Variants in ABI2 observed in about 807,000 individuals in gnomAD.
The protein encoded by ABI2 is abelson interactor 2.
Under a neutral mutation model 59.2 loss-of-function variants are expected in ABI2, and 25 were observed. That is an observed-to-expected ratio of 0.42 (90% CI 0.31 to 0.59). The LOEUF (loss-of-function observed/expected upper bound fraction) is 0.59. Among genes scored for constraint, ABI2 ranks in the 20% least tolerant of loss-of-function variants. The pLI, the probability that ABI2 is intolerant of heterozygous loss-of-function variation, is 0.14. For missense variants in ABI2, 545 were observed against 681.8 expected, an observed-to-expected ratio of 0.80 and a Z score of 2.23; for synonymous variants, 213 against 235.5, an observed-to-expected ratio of 0.90 and a Z score of 0.87.
chr2:203,345,513 C>T (rs1045652301), intron 1 of ABI2, among the ~76,000 whole-genome samples: 5 of 152,118 alleles, frequency 3.3e-5, no homozygotes, highest in Non-Finnish European at 5.9e-5. Flanking sequence ...TGGGTTCAAG[C>T]GATTCTCCTG....
At chr2:203,352,144 A>G (rs1270476393) in intron 1 of ABI2, among the ~76,000 whole-genome samples, 1 of 152,194 alleles carries the variant, frequency 6.6e-6, no homozygotes, top group Non-Finnish European at 1.5e-5. Context: ...GCATACAGAT[A>G]CACATATAGA....
chr2:203,336,166 G>T (rs1334967870), intron 1 of ABI2, among the ~76,000 whole-genome samples: 5 of 152,206 alleles, frequency 3.3e-5, no homozygotes, highest in Admixed American at 3.3e-4. Context: ...ATATTCTAGA[G>T]TATGAAAGAA....
chr2:203,362,393 C>T (rs1344667544), intron 1 of ABI2, among the ~76,000 whole-genome samples: 3 of 151,834 alleles, frequency 2.0e-5, no homozygotes, highest in Non-Finnish European at 1.5e-5. Flanking sequence ...GTTGTTTGGA[C>T]GTTCTGGGGG....
chr2:203,373,245 G>A (rs1021038530), intron 2 of ABI2, among the ~76,000 whole-genome samples: 4 of 152,302 alleles, frequency 2.6e-5, no homozygotes, highest in East Asian at 1.9e-4. Flanking sequence ...CGGATCACTC[G>A]CGGTTAGGAG....
intron 1 of ABI2, among the ~76,000 whole-genome samples, chr2:203,345,272 A>G (rs1186269242): frequency 6.6e-6 from 1 of 152,188 alleles, no homozygotes; most frequent in Non-Finnish European, 1.5e-5. Flanking sequence ...GCTCACTGCG[A>G]AGGTCTGTGG....
intron 5 of ABI2, among the ~76,000 whole-genome samples, chr2:203,392,917 T>C (rs2153372942): frequency 6.6e-6 from 1 of 152,290 alleles, no homozygotes; most frequent in South Asian, 2.1e-4. Context: ...GGCTATAACC[T>C]GTTTTTCCAC....
rs2096340466 is a variant in ABI2, at chr2:203,384,300, T to TTTTTTG, written c.480+2099_480+2100insGTTTTT. Among the ~76,000 whole-genome samples the TTTTTTG allele has an allele frequency of 3.9e-5, 4 of 102,452 alleles. No homozygotes were observed. In the South Asian group the frequency reaches 8.7e-4, roughly 22 times the overall value. 67.2% of individuals were successfully genotyped at this position (102,452 alleles called of 152,430 possible). On this transcript the variant is annotated intron_variant, in intron 4 of 11. Coordinates refer to ENST00000261018, the MANE Select transcript of ABI2 (RefSeq NM_001375670.1). ...CTTGTTTTTGTTTTTGTTTTTTTTT[T>TTTTTTG]TTTTTTTTTTTTTTTTTTTTTTTTG... is the stretch of plus-strand genomic sequence containing the variant.
chr2:203,372,319 T>C (rs1375579775), intron 2 of ABI2, among the ~76,000 whole-genome samples: 1 of 152,160 alleles, frequency 6.6e-6, no homozygotes, highest in Non-Finnish European at 1.5e-5. Context: ...AAGTCTCCCA[T>C]GTCTACTTCT....
chr2:203,392,318 CAACAACAA>C (rs749164602), intron 5 of ABI2, among the ~76,000 whole-genome samples: 5,131 of 105,988 alleles, frequency 0.048, 252 homozygotes, highest in African/African-American at 0.13. Flanking sequence ...CCACCACCAA[CAACAACAA>C]CAACAACAAC....
intron 8 of ABI2, among the ~76,000 whole-genome samples, chr2:203,401,877 T>TTATTC (rs1245617655): frequency 2.0e-5 from 3 of 152,190 alleles, no homozygotes; most frequent in African/African-American, 4.8e-5. Context: ...GTGTCAAACA[T>TTATTC]TTTTTCTCTT....
rs373275645 is a variant in ABI2 at position 203,417,130 on chromosome 2, G to A, written c.1453+49G>A. ...ATAGATGGGAAGAAACCTCTACATA[G>A]AAATGAAATTTGCGGTACTGAAGAG... is the stretch of plus-strand genomic sequence containing the variant. On this transcript the variant is annotated intron_variant, in intron 11 of 11. Coordinates refer to ENST00000261018, the MANE Select transcript of ABI2 (RefSeq NM_001375670.1). The A allele has an allele frequency of 2.5e-5, 37 of 1,466,990 alleles. No homozygotes were observed. In the African/African-American group the frequency reaches 3.1e-4, roughly 12 times the overall value. The allele number at this position is 1,466,990 out of a possible 1,614,324, so 90.9% of individuals were successfully genotyped here. A position where few individuals can be genotyped will look rare whatever the true frequency, so the allele number is the denominator to read the frequency against.
Position 203,328,415 on chromosome 2 carries a change from T to C in ABI2, c.-100T>C. ...CGCTCCTTCCGAGTTACCGCCGCCG[T>C]CGCCGCCGCTCCTCCTCTCCCGGTC... On this transcript the variant is annotated 5_prime_UTR_variant, in exon 1 of 12. Coordinates refer to ENST00000261018, the MANE Select transcript of ABI2 (RefSeq NM_001375670.1). 1 of 974,782 alleles carries C rather than the reference T, an allele frequency of 1.0e-6. No individual in the cohort carries two copies. Among genetic ancestry groups the C allele is most frequent in the Non-Finnish European group, 1.5e-6 (1 of 645,640 alleles). 60.4% of individuals were successfully genotyped at this position (974,782 alleles called of 1,614,324 possible).
intron 11 of ABI2, among the ~76,000 whole-genome samples, chr2:203,418,833 C>A (rs1278357262): frequency 6.6e-6 from 1 of 152,146 alleles, no homozygotes; most frequent in Non-Finnish European, 1.5e-5. Context: ...CTCACAGATC[C>A]AAGAAGTTCA....
chr2:203,425,744 G>A (rs1426266292), intron 11 of ABI2, among the ~76,000 whole-genome samples: 2 of 152,180 alleles, frequency 1.3e-5, no homozygotes, highest in Non-Finnish European at 2.9e-5. Context: ...TTTCTGACCA[G>A]GTGCAGGTGG....
chr2:203,413,055 T>C (rs1370039767), intron 10 of ABI2, among the ~76,000 whole-genome samples: 1 of 152,194 alleles, frequency 6.6e-6, no homozygotes, highest in Non-Finnish European at 1.5e-5. Flanking sequence ...GTTTTTTCTG[T>C]TTTTACTATT....
chr2:203,376,071 T>C lies in ABI2; in HGVS notation c.286-4137T>C, dbSNP rs1347827830. 2.0e-6 allele frequency: 3 copies of C among 1,534,978 alleles called. No individual in the cohort carries two copies. The East Asian group carries it at 7.3e-5, about 38-fold the overall frequency. On this transcript the variant is annotated intron_variant, in intron 2 of 11. Coordinates refer to ENST00000261018, the MANE Select transcript of ABI2 (RefSeq NM_001375670.1). ...TCTATACTTAGGCAAATTAGAGGCGTTGATCTTGAGTCGACTTTTGTGACC... is the reference window on the plus strand; with the variant it reads ...TCTATACTTAGGCAAATTAGAGGCGCTGATCTTGAGTCGACTTTTGTGACC...
chr2:203,329,173 GT>G (rs527258723), intron 1 of ABI2: 14 of 152,406 alleles, frequency 9.2e-5, no homozygotes, highest in African/African-American at 3.1e-4. Flanking sequence ...AAGAGCAGCA[GT>G]TTCTTGTTGG....
At chr2:203,395,059 C>T (rs1245106303) in intron 6 of ABI2, 1 of 719,522 alleles carries the variant, frequency 1.4e-6, no homozygotes, top group African/African-American at 1.7e-5. Context: ...AAAGTGCAGA[C>T]TTCTCTCCAA....
intron 4 of ABI2, among the ~76,000 whole-genome samples, chr2:203,385,678 C>T (rs952689788): frequency 1.1e-4 from 16 of 152,078 alleles, no homozygotes; most frequent in African/African-American, 3.6e-4. Flanking sequence ...AAAATTTATC[C>T]GACACAGCAC....
Sources: gnomAD v4.1 joint callset for allele counts (sites outside exome capture counted in the v4.1 genomes callset) on GRCh38, gnomAD v4.1.1 for gene constraint, MANE v1.5 for transcripts, NCBI Gene and HGNC (gene_info 2026-07-23, HGNC 2026-07-21) for gene names.